HAUS6: variants seen among roughly 807,000 people sequenced by gnomAD.
The protein encoded by HAUS6 is HAUS augmin like complex subunit 6, also known as HAUS augmin-like complex subunit 6.
In HAUS6, 80 loss-of-function variants were observed where a neutral mutation model predicts 106.8. The observed-to-expected ratio is 0.75, with a 90% CI of 0.63 to 0.90. The LOEUF is 0.90. Ranked by LOEUF, HAUS6 falls within the 40% of genes least tolerant of loss-of-function variation. The pLI is 0.00. For missense variants in HAUS6, 1,155 were observed against 1,118.1 expected (o/e 1.03, Z -0.47); for synonymous variants, 356 against 379.1 (o/e 0.94, Z 0.71).
At chr9:19,091,026 C>T (rs920046885) in intron 4 of HAUS6, among the ~76,000 whole-genome samples, 5 of 152,224 alleles carry the variant, frequency 3.3e-5, no homozygotes, top group South Asian at 4.1e-4. Context: ...ATTGGCCGGG[C>T]GCAGTGGCTC....
intron 5 of HAUS6, among the ~76,000 whole-genome samples, chr9:19,088,110 A>G (rs1805929857): frequency 6.6e-6 from 1 of 152,196 alleles, no homozygotes; most frequent in South Asian, 2.1e-4. Context: ...AACAGGACTA[A>G]TAGACATTAA....
chr9:19,065,277 G>A (rs1232533571), intron 12 of HAUS6, among the ~76,000 whole-genome samples: 1 of 152,158 alleles, frequency 6.6e-6, no homozygotes, highest in Non-Finnish European at 1.5e-5. Context: ...TCGTCCATTT[G>A]CCATGCCAAG....
chr9:19,060,410 GTGAA>G (rs1836581907), intron 14 of HAUS6, among the ~76,000 whole-genome samples, 187 bp from the exon 15 acceptor site: 1 of 152,170 alleles, frequency 6.6e-6, no homozygotes, highest in Non-Finnish European at 1.5e-5. Flanking sequence ...ATCCTGTAAA[GTGAA>G]ATGAAACACT....
intron 3 of HAUS6, 41 bp from the exon 4 acceptor site, chr9:19,093,344 A>G: frequency 2.0e-6 from 3 of 1,515,038 alleles, no homozygotes; most frequent in Non-Finnish European, 2.7e-6. Flanking sequence ...GACCTTGTTA[A>G]CAATAACTCT....
intron 1 of HAUS6, among the ~76,000 whole-genome samples, chr9:19,098,274 CT>C (rs1817905232): frequency 6.6e-6 from 1 of 151,994 alleles, no homozygotes; most frequent in Non-Finnish European, 1.5e-5. Flanking sequence ...GCCATCTCCA[CT>C]AAAAATACAA....
At chr9:19,101,663 T>C (rs1030119857) in intron 1 of HAUS6, among the ~76,000 whole-genome samples, 16 of 152,168 alleles carry the variant, frequency 1.1e-4, no homozygotes, top group African/African-American at 3.4e-4. Flanking sequence ...GGCTCACGCC[T>C]GTAATCCCAG....
At chr9:19,066,094 C>T (rs1381924473) in intron 12 of HAUS6, among the ~76,000 whole-genome samples, 1 of 151,822 alleles carries the variant, frequency 6.6e-6, no homozygotes, top group Non-Finnish European at 1.5e-5. Context: ...GACCACCACA[C>T]CTGGCTAATT....
chr9:19,102,382 T>C lies in HAUS6; in HGVS notation c.128+142A>G, dbSNP rs192369009. 4.1e-5 allele frequency: 37 copies of C among 898,984 alleles called. No individual in the cohort carries two copies. In the African/African-American group the frequency reaches 5.3e-4, roughly 13 times the overall value. The allele number at this position is 898,984 out of a possible 1,614,324, so 55.7% of individuals were successfully genotyped here. On this transcript the variant is annotated intron_variant, in intron 1 of 16. Transcript: ENST00000380502. ...CCCCTAGGCTGGCAGCAACTGGGAG[T>C]AGGAACTTTGGAGCCAATGCCTGGC...
Position 19,094,280 on chromosome 9 carries a change from C to T in HAUS6, c.303+37G>A, listed in dbSNP as rs367747340. On this transcript the variant is annotated intron_variant, in intron 3 of 16. Transcript: ENST00000380502. ...AAAGAGTTAAAGTAGTTTTTAACTT[C>T]TTAAAGTCTGTATCTTCTAACAAAA... 61 of 1,250,760 alleles carry T rather than the reference C, an allele frequency of 4.9e-5. No individual in the cohort carries two copies. The African/African-American group carries it at 7.3e-4, about 15-fold the overall frequency. 77.5% of individuals were successfully genotyped at this position (1,250,760 alleles called of 1,614,324 possible).
intron 14 of HAUS6, among the ~76,000 whole-genome samples, chr9:19,062,348 C>T (rs933470682): frequency 1.3e-5 from 2 of 152,150 alleles, no homozygotes; most frequent in African/African-American, 4.8e-5. Flanking sequence ...ACAACACTGA[C>T]AAAAGTATTT....
At chr9:19,067,589 C>T (rs760021624) in intron 12 of HAUS6, among the ~76,000 whole-genome samples, 1 of 152,066 alleles carries the variant, frequency 6.6e-6, no homozygotes, top group African/African-American at 2.4e-5. Flanking sequence ...CCTTCTTTTT[C>T]CTATATTAAG....
In HAUS6 at chr9:19,082,971, C is replaced by A; in HGVS notation, c.772G>T (p.Val258Phe). 1 of 1,571,528 alleles carries A rather than the reference C, an allele frequency of 6.4e-7. No homozygotes were observed. The highest frequency in any genetic ancestry group is 8.7e-7 in the Non-Finnish European group (1 of 1,148,972). Residue 258 changes from valine to phenylalanine, a missense_variant, in exon 8 of 17, where the codon GTC (valine) becomes TTC (phenylalanine). Coordinates refer to ENST00000380502, the MANE Select transcript of HAUS6 (RefSeq NM_017645.5). ...GCATATTGGTTAACAAGACTAAGGA[C>A]CGAACTAACAACTTCTCTCTCTTTT... The part of the protein sequence containing the change: ...LEKEREVVSS[V>F]LSLVNQYALD...
At chr9:19,092,883 G>A (rs1324011531) in intron 4 of HAUS6, among the ~76,000 whole-genome samples, 1 of 141,972 alleles carries the variant, frequency 7.0e-6, no homozygotes, top group African/African-American at 2.6e-5. Flanking sequence ...CAAGATCACA[G>A]CATTGCACTC....
rs563872652 is a variant in HAUS6 at position 19,054,300 on chromosome 9, T to A, written c.*2043A>T. On this transcript the variant is annotated 3_prime_UTR_variant, in exon 17 of 17. Transcript: ENST00000380502. ...TTAAATTTGAACTCTATTTTAGAAT[T>A]AACAATGAACAATCAATGGAATTTT... 5.9e-5 allele frequency: 9 copies of A among 152,290 alleles called. No individual in the cohort carries two copies. The highest frequency in any genetic ancestry group is 3.4e-3 in the Middle Eastern group (1 of 294). The allele number at this position is 152,290 out of a possible 1,614,324, so 9.4% of individuals were successfully genotyped here.
Position 19,096,757 on chromosome 9 carries a change from G to C in HAUS6, c.141C>G (p.Asp47Glu). The change falls in exon 2 of 17, where the codon GAC (aspartate) becomes GAG (glutamate). Residue 47 changes from aspartate to glutamate, a missense_variant. Transcript: ENST00000380502. The stretch of plus-strand genomic sequence containing the variant: ...TATGAAAGGCATCACGGTTCAGCTT[G>C]TCAAACATGTTCCTAGTGGTTAAAA... ...SHTHLGVNMF[D>E]KLNRDAFHII... 2 of 1,523,144 alleles carry C rather than the reference G, an allele frequency of 1.3e-6. No individual in the cohort carries two copies. The highest frequency in any genetic ancestry group is 1.8e-6 in the Non-Finnish European group (2 of 1,119,934). The allele number at this position is 1,523,144 out of a possible 1,614,324, so 94.4% of individuals were successfully genotyped here.
intron 1 of HAUS6, among the ~76,000 whole-genome samples, chr9:19,100,285 G>A (rs1787607677): frequency 6.6e-6 from 1 of 152,238 alleles, no homozygotes; most frequent in Non-Finnish European, 1.5e-5. Context: ...AGGATCGCTT[G>A]AGCCCAGGAG....
chr9:19,089,640 T>C, intron 4 of HAUS6, 81 bp from the exon 5 acceptor site: 7 of 1,031,502 alleles, frequency 6.8e-6, no homozygotes, highest in Non-Finnish European at 9.9e-6. Context: ...TTAGTGTCAC[T>C]AACGTTGGTG....
At chr9:19,091,837 T>C (rs1817756895) in intron 4 of HAUS6, among the ~76,000 whole-genome samples, 2 of 152,014 alleles carry the variant, frequency 1.3e-5, no homozygotes, top group African/African-American at 2.4e-5. Context: ...CATTTTTGTA[T>C]TTTCAGTAAT....
Position 19,053,751 on chromosome 9 carries a change from A to T in HAUS6, c.*2592T>A, listed in dbSNP as rs748818684. 6.6e-6 allele frequency: 1 copy of T among 152,220 alleles called. No individual in the cohort carries two copies. The highest frequency in any genetic ancestry group is 1.5e-5 in the Non-Finnish European group (1 of 68,020). 9.4% of individuals were successfully genotyped at this position (152,220 alleles called of 1,614,324 possible). On this transcript the variant is annotated 3_prime_UTR_variant, in exon 17 of 17. Coordinates refer to ENST00000380502, the MANE Select transcript of HAUS6 (RefSeq NM_017645.5). ...AGAAATCCACTTAGAGTAATAAATTAGCCCTCTTTACCATTTATTCCATGA... is the reference window on the plus strand; with the variant it reads ...AGAAATCCACTTAGAGTAATAAATTTGCCCTCTTTACCATTTATTCCATGA...
Sources: gnomAD v4.1 joint callset for allele counts (sites outside exome capture counted in the v4.1 genomes callset) on GRCh38, gnomAD v4.1.1 for gene constraint, MANE v1.5 for transcripts, NCBI Gene and HGNC (gene_info 2026-07-23, HGNC 2026-07-21) for gene names.